Variants in SLCO1A2 observed in about 807,000 individuals in gnomAD.
SLCO1A2 encodes solute carrier organic anion transporter family member 1A2.
SLCO1A2 carries 67 observed loss-of-function variants against 69.0 expected under a neutral mutation model. The observed-to-expected ratio is 0.97, with a 90% CI of 0.80 to 1.19. SLCO1A2 has a LOEUF of 1.19. Among genes scored for constraint, SLCO1A2 ranks in the 50% most tolerant of loss-of-function variants. The pLI is 0.00. For missense variants in SLCO1A2, 787 were observed against 793.7 expected (o/e 0.99, Z 0.10); for synonymous variants, 260 against 265.9 (o/e 0.98, Z 0.22).
At chr12:21,287,935 G>A (rs1448167121) in intron 12 of SLCO1A2, among the ~76,000 whole-genome samples, 4 of 128,602 alleles carry the variant, frequency 3.1e-5, no homozygotes, top group Admixed American at 8.2e-5. Context: ...TGGGTGCAGC[G>A]CACCAGCATG....
At chr12:21,411,838 C>T (rs2137206584) in intron 1 of SLCO1A2, among the ~76,000 whole-genome samples, 1 of 152,072 alleles carries the variant, frequency 6.6e-6, no homozygotes, top group African/African-American at 2.4e-5. Flanking sequence ...CACACTCCAC[C>T]ACGCCCAGCT....
intron 1 of SLCO1A2, among the ~76,000 whole-genome samples, chr12:21,404,051 G>A (rs969543744): frequency 2.0e-5 from 3 of 152,022 alleles, no homozygotes; most frequent in African/African-American, 7.2e-5. Flanking sequence ...ATTTCTATGG[G>A]ATGCCACTGA....
At chr12:21,405,644 C>T (rs1223853623) in intron 1 of SLCO1A2, among the ~76,000 whole-genome samples, 2 of 152,132 alleles carry the variant, frequency 1.3e-5, no homozygotes, top group Non-Finnish European at 2.9e-5. Context: ...ACCATCTGAC[C>T]TTTGACAAAC....
chr12:21,384,402 A>G (rs1940762375), intron 1 of SLCO1A2, among the ~76,000 whole-genome samples: 1 of 152,218 alleles, frequency 6.6e-6, no homozygotes, highest in Non-Finnish European at 1.5e-5. Flanking sequence ...CACATCTAGA[A>G]TTACGAAATG....
chr12:21,409,363 A>C (rs918615956), intron 1 of SLCO1A2, among the ~76,000 whole-genome samples: 1 of 152,212 alleles, frequency 6.6e-6, no homozygotes, highest in African/African-American at 2.4e-5. Flanking sequence ...TGTGGGTAGA[A>C]TCTGGCCTGC....
intron 2 of SLCO1A2, among the ~76,000 whole-genome samples, chr12:21,359,621 C>T (rs1301898597): frequency 6.6e-6 from 1 of 152,124 alleles, no homozygotes; most frequent in Non-Finnish European, 1.5e-5. Flanking sequence ...GTGGTGGGCA[C>T]CTGTGGTCCC....
At chr12:21,312,247 C>G (rs192194003) in intron 4 of SLCO1A2, among the ~76,000 whole-genome samples, 199 of 152,318 alleles carry the variant, frequency 1.3e-3, no homozygotes, top group African/African-American at 4.6e-3. Flanking sequence ...GTTATAAAGA[C>G]AGCTTCTTTC....
At chr12:21,273,153 T>C (rs11045924) in intron 14 of SLCO1A2, among the ~76,000 whole-genome samples, 14,039 of 152,162 alleles carry the variant, frequency 0.092, 1,075 homozygotes, top group East Asian at 0.35. Context: ...CACAGTGAAT[T>C]TGGGCTGCAG....
chr12:21,352,833 T>C (rs1938066999), intron 2 of SLCO1A2, among the ~76,000 whole-genome samples: 1 of 152,240 alleles, frequency 6.6e-6, no homozygotes, highest in Non-Finnish European at 1.5e-5. Flanking sequence ...CTGGGGGAAG[T>C]ACATAAGGTG....
chr12:21,360,914 C>T (rs981334531), intron 2 of SLCO1A2, among the ~76,000 whole-genome samples: 3 of 152,190 alleles, frequency 2.0e-5, no homozygotes, highest in African/African-American at 7.2e-5. Context: ...GAGCCCACCG[C>T]AGCTCAAGGA....
intron 2 of SLCO1A2, among the ~76,000 whole-genome samples, chr12:21,328,288 G>A (rs755878574): frequency 6.6e-6 from 1 of 152,188 alleles, no homozygotes; most frequent in Non-Finnish European, 1.5e-5. Context: ...CTATGGGAAA[G>A]AGAAGAGAAA....
chr12:21,300,130 C>T (rs1361027766), intron 8 of SLCO1A2, among the ~76,000 whole-genome samples: 1 of 151,426 alleles, frequency 6.6e-6, no homozygotes, highest in Non-Finnish European at 1.5e-5. Flanking sequence ...AAAGTTTACA[C>T]AAATGCTGAT....
chr12:21,415,360 C>A (rs1415253867), intron 1 of SLCO1A2, among the ~76,000 whole-genome samples: 1 of 152,088 alleles, frequency 6.6e-6, no homozygotes, highest in Non-Finnish European at 1.5e-5. Context: ...TTTAAAGCAG[C>A]AACAAATGTT....
At chr12:21,358,771 G>A (rs1415877819) in intron 2 of SLCO1A2, among the ~76,000 whole-genome samples, 1 of 151,822 alleles carries the variant, frequency 6.6e-6, no homozygotes, top group Non-Finnish European at 1.5e-5. Flanking sequence ...AAAATATAAA[G>A]ATGCAAACCA....
intron 2 of SLCO1A2, among the ~76,000 whole-genome samples, chr12:21,368,803 T>C (rs1939578396): frequency 6.6e-6 from 1 of 152,160 alleles, no homozygotes; most frequent in South Asian, 2.1e-4. Context: ...GATGTACACC[T>C]AATATTGATA....
chr12:21,271,594 T>A (rs1942849482), intron 14 of SLCO1A2, among the ~76,000 whole-genome samples: 1 of 149,814 alleles, frequency 6.7e-6, no homozygotes, highest in African/African-American at 2.4e-5. Flanking sequence ...AATGTATATA[T>A]GTATATATTT....
chr12:21,360,745 C>T (rs940774292), intron 2 of SLCO1A2, among the ~76,000 whole-genome samples: 7 of 152,214 alleles, frequency 4.6e-5, no homozygotes, highest in Admixed American at 1.3e-4. Flanking sequence ...TTATATCCCG[C>T]GGCTGGCTTG....
intron 12 of SLCO1A2, among the ~76,000 whole-genome samples, chr12:21,284,535 C>G (rs1029091135): frequency 6.6e-6 from 1 of 150,768 alleles, no homozygotes; most frequent in African/African-American, 2.5e-5. Flanking sequence ...TTCTCCACCC[C>G]AAATCAACAG....
intron 2 of SLCO1A2, among the ~76,000 whole-genome samples, chr12:21,320,962 G>A (rs765056025): frequency 1.3e-5 from 2 of 152,150 alleles, no homozygotes; most frequent in Non-Finnish European, 2.9e-5. Flanking sequence ...CCACAAAGCT[G>A]TTTAGAAGAA....
Sources: gnomAD v4.1 joint callset for allele counts (sites outside exome capture counted in the v4.1 genomes callset) on GRCh38, gnomAD v4.1.1 for gene constraint, MANE v1.5 for transcripts, NCBI Gene and HGNC (gene_info 2026-07-23, HGNC 2026-07-21) for gene names.